Variants in ASPRV1 observed in about 807,000 individuals in gnomAD.
ASPRV1 encodes retroviral-like aspartic protease 1.
ASPRV1 carries 7 observed loss-of-function variants against 11.0 expected under a neutral mutation model. The observed-to-expected ratio is 0.64, with a 90% confidence interval of 0.36 to 1.20. The LOEUF (loss-of-function observed/expected upper bound fraction) is 1.20, where lower values mean the gene tolerates loss of function less well. Ranked by LOEUF, ASPRV1 falls within the 50% of genes most tolerant of loss-of-function variation. ASPRV1 has a pLI of 0.02. For missense variants in ASPRV1, 299 were observed against 320.0 expected, an observed-to-expected ratio of 0.93 and a Z score of 0.50; for synonymous variants, 136 against 138.4, an observed-to-expected ratio of 0.98 and a Z score of 0.12.
the ASPRV1 span, among the ~76,000 whole-genome samples, chr2:70,008,155 A>T: frequency 6.6e-6 from 1 of 151,876 alleles, no homozygotes; most frequent in African/African-American, 2.4e-5. Context: ...TTTAATAATA[A>T]TATTCATCTT....
In ASPRV1 at chr2:69,961,147, T is replaced by A; in HGVS notation, c.290A>T (p.His97Leu). The part of the protein sequence containing the change: ...AFGVPGAAPS[H>L]LPKEIVFANS... The stretch of plus-strand genomic sequence containing the variant: ...GGCAAAGACGATCTCTTTGGGCAGG[T>A]GGCTGGGGGCAGCCCCAGGGACCCC... Residue 97 changes from histidine to leucine, a missense_variant, in exon 1 of 1, where the codon CAC (histidine) becomes CTC (leucine). Transcript: ENST00000320256. The A allele has an allele frequency of 1.2e-6, 2 of 1,613,842 alleles. No individual in the cohort carries two copies. Among genetic ancestry groups the A allele is most frequent in the South Asian group, 2.2e-5 (2 of 91,066 alleles).
the ASPRV1 span, among the ~76,000 whole-genome samples, chr2:70,061,499 A>G: frequency 1.3e-5 from 2 of 152,268 alleles, no homozygotes; most frequent in South Asian, 4.1e-4. Context: ...AAAGGCCTTC[A>G]GGCCAGAAAC....
the ASPRV1 span, chr2:69,937,041 G>T: frequency 1.3e-6 from 1 of 745,926 alleles, no homozygotes; most frequent in Non-Finnish European, 2.4e-6. Flanking sequence ...CAGCACTGGC[G>T]ATGCTGAAGA....
At chr2:70,046,454 G>A in the ASPRV1 span, 1 of 152,150 alleles carries the variant, frequency 6.6e-6, no homozygotes, top group East Asian at 1.9e-4. Context: ...CCACATACAG[G>A]ATCACAGAAG....
At chr2:69,973,389 T>G in the ASPRV1 span, among the ~76,000 whole-genome samples, 1 of 152,206 alleles carries the variant, frequency 6.6e-6, no homozygotes, top group African/African-American at 2.4e-5. Context: ...ACTTGTTGTT[T>G]TTTTTTTACA....
the ASPRV1 span, among the ~76,000 whole-genome samples, chr2:70,066,404 A>G: frequency 8.6e-5 from 13 of 150,498 alleles, no homozygotes; most frequent in Non-Finnish European, 1.3e-4. Flanking sequence ...ACGCCCAGCT[A>G]ATTTTTGTAT....
At chr2:70,073,733 T>C in the ASPRV1 span, among the ~76,000 whole-genome samples, 1 of 151,258 alleles carries the variant, frequency 6.6e-6, no homozygotes, top group Admixed American at 6.6e-5. Flanking sequence ...AGAGGCTGGG[T>C]TCCCTTGGCA....
At chr2:69,968,421 G>A in the ASPRV1 span, 5 of 152,080 alleles carry the variant, frequency 3.3e-5, no homozygotes, top group African/African-American at 4.8e-5. Flanking sequence ...CTACTTGGGA[G>A]GATGAAGTAG....
the ASPRV1 span, among the ~76,000 whole-genome samples, chr2:69,996,491 G>C: frequency 6.6e-6 from 1 of 152,142 alleles, no homozygotes; most frequent in Non-Finnish European, 1.5e-5. Context: ...GTGGCCAGTA[G>C]CTACTTCATG....
the ASPRV1 span, among the ~76,000 whole-genome samples, chr2:70,082,326 T>C: frequency 6.6e-6 from 1 of 152,138 alleles, no homozygotes; most frequent in East Asian, 1.9e-4. Flanking sequence ...CCCAGGACTT[T>C]GGGAGGCTGA....
At chr2:70,012,698 T>G in the ASPRV1 span, among the ~76,000 whole-genome samples, 17 of 152,268 alleles carry the variant, frequency 1.1e-4, no homozygotes, top group African/African-American at 4.1e-4. Context: ...TTATTAAAAC[T>G]TATCCCTTGA....
chr2:69,938,043 G>A, the ASPRV1 span: 1 of 1,564,260 alleles, frequency 6.4e-7, no homozygotes, highest in African/African-American at 1.4e-5. Context: ...CACCACGCCT[G>A]AGCTTTCTGC....
upstream of ASPRV1, chr2:69,962,538 AG>A (rs994140758): frequency 1.3e-5 from 2 of 152,370 alleles, no homozygotes; most frequent in Admixed American, 1.3e-4. Flanking sequence ...GCCAGTGGTG[AG>A]GACCTGGAGG....
chr2:69,937,408 A>G, the ASPRV1 span: 1 of 1,588,792 alleles, frequency 6.3e-7, no homozygotes. Context: ...AGCCTCTCTC[A>G]CTCTCCTCCC....
the ASPRV1 span, chr2:70,056,528 C>A: frequency 7.2e-6 from 1 of 139,368 alleles, no homozygotes; most frequent in African/African-American, 2.8e-5. Context: ...TGGTGTGAAC[C>A]CGGGAGGCGG....
chr2:69,946,426 G>A, the ASPRV1 span, among the ~76,000 whole-genome samples: 2 of 152,164 alleles, frequency 1.3e-5, no homozygotes, highest in African/African-American at 2.4e-5. Context: ...CTGCTGACCC[G>A]GTCTGTAGAG....
the ASPRV1 span, among the ~76,000 whole-genome samples, chr2:69,966,792 A>G: frequency 2.6e-5 from 4 of 152,212 alleles, no homozygotes; most frequent in African/African-American, 9.6e-5. Flanking sequence ...ATTAAAACCT[A>G]TCAAATATCC....
the ASPRV1 span, among the ~76,000 whole-genome samples, chr2:70,017,655 T>G: frequency 6.6e-6 from 1 of 152,070 alleles, no homozygotes; most frequent in Non-Finnish European, 1.5e-5. Flanking sequence ...ACCAAAAAAC[T>G]GTTAGAACTG....
chr2:70,015,493 G>A, the ASPRV1 span: 1 of 152,202 alleles, frequency 6.6e-6, no homozygotes, highest in Non-Finnish European at 1.5e-5. Context: ...TTCATATACA[G>A]AGGTTTCGCA....
Sources: allele counts gnomAD v4.1 joint callset (sites outside exome capture counted in the v4.1 genomes callset), GRCh38; gene constraint gnomAD v4.1.1; transcripts MANE v1.5; gene names NCBI Gene and HGNC (gene_info 2026-07-23, HGNC 2026-07-21).